Variants in ZCCHC7 observed in about 807,000 individuals in gnomAD.
ZCCHC7 encodes the protein zinc finger CCHC domain-containing protein 7.
A neutral mutation model predicts 52.0 loss-of-function variants in ZCCHC7; 35 were observed. The ratio of observed to expected loss-of-function variants is 0.67; its 90% CI spans 0.51 to 0.89. The LOEUF (loss-of-function observed/expected upper bound fraction) is 0.89. Among genes scored for constraint, ZCCHC7 ranks in the 40% least tolerant of loss-of-function variants. The pLI is 0.00. For missense variants in ZCCHC7, 574 were observed against 649.1 expected (o/e 0.88, Z 1.26); for synonymous variants, 217 against 221.5 (o/e 0.98, Z 0.18).
intron 2 of ZCCHC7, among the ~76,000 whole-genome samples, chr9:37,280,912 T>C (rs1278865813): frequency 1.3e-5 from 2 of 152,030 alleles, no homozygotes; most frequent in Non-Finnish European, 2.9e-5. Context: ...GTATATGATG[T>C]TGAAAGCAAA....
intron 2 of ZCCHC7, among the ~76,000 whole-genome samples, chr9:37,158,695 A>G (rs1288929282): frequency 6.6e-6 from 1 of 152,136 alleles, no homozygotes; most frequent in Non-Finnish European, 1.5e-5. Context: ...TGTATTATAT[A>G]TAAAATTAAT....
chr9:37,199,214 G>C (rs749281118), intron 2 of ZCCHC7, among the ~76,000 whole-genome samples: 3 of 152,040 alleles, frequency 2.0e-5, no homozygotes, highest in Non-Finnish European at 4.4e-5. Context: ...AAAAGAAAAA[G>C]ACACAAGCTG....
intron 2 of ZCCHC7, among the ~76,000 whole-genome samples, chr9:37,166,874 T>G (rs1821451724): frequency 6.6e-6 from 1 of 152,228 alleles, no homozygotes; most frequent in Admixed American, 6.5e-5. Flanking sequence ...CTTTCTGTGG[T>G]TAATTTCTAA....
intron 2 of ZCCHC7, among the ~76,000 whole-genome samples, chr9:37,171,476 G>A (rs1230985653): frequency 1.3e-5 from 2 of 152,156 alleles, no homozygotes; most frequent in Non-Finnish European, 2.9e-5. Context: ...AAGTGCAGTG[G>A]TGCGATCATA....
chr9:37,130,334 CTT>C (rs34589957), intron 2 of ZCCHC7, among the ~76,000 whole-genome samples: 112 of 63,080 alleles, frequency 1.8e-3, no homozygotes, highest in African/African-American at 5.5e-3. Flanking sequence ...GAATTCTCTC[CTT>C]TTTTTTTTTT....
At chr9:37,352,426 G>T (rs561128037) in intron 7 of ZCCHC7, among the ~76,000 whole-genome samples, 1 of 152,120 alleles carries the variant, frequency 6.6e-6, no homozygotes, top group South Asian at 2.1e-4. Flanking sequence ...GGGAGCACGG[G>T]CTGGGAGAGT....
intron 2 of ZCCHC7, among the ~76,000 whole-genome samples, chr9:37,247,660 A>C (rs1328007231): frequency 6.6e-6 from 1 of 152,124 alleles, no homozygotes; most frequent in African/African-American, 2.4e-5. Context: ...TAATTTCAGC[A>C]CTTTGGGAAG....
intron 5 of ZCCHC7, among the ~76,000 whole-genome samples, chr9:37,317,921 T>C (rs1829893053): frequency 6.6e-6 from 1 of 151,742 alleles, no homozygotes; most frequent in Non-Finnish European, 1.5e-5. Context: ...GGAAAGATTT[T>C]TGTAATATGT....
At chr9:37,250,689 G>A (rs1319477555) in intron 2 of ZCCHC7, among the ~76,000 whole-genome samples, 2 of 152,184 alleles carry the variant, frequency 1.3e-5, no homozygotes, top group Non-Finnish European at 2.9e-5. Flanking sequence ...AGACTTTTAA[G>A]TAGCTCAGAA....
At chr9:37,339,130 G>A (rs1830814158) in intron 6 of ZCCHC7, among the ~76,000 whole-genome samples, 1 of 152,122 alleles carries the variant, frequency 6.6e-6, no homozygotes. Flanking sequence ...TAGTAGCAAT[G>A]TCCACTAGAA....
At chr9:37,269,112 G>A (rs1827261057) in intron 2 of ZCCHC7, among the ~76,000 whole-genome samples, 1 of 152,204 alleles carries the variant, frequency 6.6e-6, no homozygotes, top group South Asian at 2.1e-4. Flanking sequence ...TTTGCTTGCT[G>A]TCCTGAAGGT....
chr9:37,132,907 G>A (rs1370785806), intron 2 of ZCCHC7, among the ~76,000 whole-genome samples: 1 of 152,188 alleles, frequency 6.6e-6, no homozygotes, highest in Non-Finnish European at 1.5e-5. Flanking sequence ...GGGAGGCCGA[G>A]GCGGGCGGAT....
intron 2 of ZCCHC7, among the ~76,000 whole-genome samples, chr9:37,225,027 A>G (rs1564189779): frequency 1.3e-5 from 2 of 152,244 alleles, no homozygotes; most frequent in Non-Finnish European, 2.9e-5. Context: ...AGAAAGAATA[A>G]TTCATTTTAT....
At chr9:37,144,451 A>G (rs971044280) in intron 2 of ZCCHC7, among the ~76,000 whole-genome samples, 5 of 152,008 alleles carry the variant, frequency 3.3e-5, no homozygotes, top group Admixed American at 2.6e-4. Flanking sequence ...GCAAAACTTC[A>G]CAAAATAATT....
chr9:37,175,084 C>T (rs1821945016), intron 2 of ZCCHC7, among the ~76,000 whole-genome samples: 1 of 151,172 alleles, frequency 6.6e-6, no homozygotes, highest in Non-Finnish European at 1.5e-5. Context: ...TGCCACTGCA[C>T]TCCAACCTGG....
At chr9:37,206,980 G>A (rs941476998) in intron 2 of ZCCHC7, among the ~76,000 whole-genome samples, 2 of 151,676 alleles carry the variant, frequency 1.3e-5, no homozygotes, top group East Asian at 3.9e-4. Flanking sequence ...AAAAAAAATC[G>A]TTGGTCATGG....
chr9:37,278,008 T>G (rs943035646), intron 2 of ZCCHC7, among the ~76,000 whole-genome samples: 18 of 135,978 alleles, frequency 1.3e-4, no homozygotes, highest in Non-Finnish European at 2.1e-4. Context: ...AAAAAAGTTT[T>G]TTTGTTTGTG....
intron 6 of ZCCHC7, among the ~76,000 whole-genome samples, chr9:37,336,256 GA>G (rs1312250745): frequency 1.3e-5 from 2 of 152,110 alleles, no homozygotes; most frequent in Non-Finnish European, 2.9e-5. Context: ...TACGTCCAGC[GA>G]AAAAGGCAAC....
At chr9:37,242,583 G>C (rs944525658) in intron 2 of ZCCHC7, among the ~76,000 whole-genome samples, 1 of 151,680 alleles carries the variant, frequency 6.6e-6, no homozygotes, top group African/African-American at 2.4e-5. Flanking sequence ...ACTCTATGTA[G>C]ATAGTGCTTT....
Sources: gnomAD v4.1 joint callset for allele counts (sites outside exome capture counted in the v4.1 genomes callset) on GRCh38, gnomAD v4.1.1 for gene constraint, MANE v1.5 for transcripts, NCBI Gene and HGNC (gene_info 2026-07-23, HGNC 2026-07-21) for gene names.